SORCS1: variants seen among roughly 807,000 people sequenced by gnomAD.
SORCS1 encodes sortilin related VPS10 domain containing receptor 1.
A neutral mutation model predicts 146.1 loss-of-function variants in SORCS1; 60 were observed. That is an observed-to-expected ratio of 0.41 (90% confidence interval 0.33 to 0.51). The LOEUF is 0.51. Ranked by LOEUF, SORCS1 falls within the 20% of genes least tolerant of loss-of-function variation. SORCS1 has a pLI of 0.21. For synonymous variants in SORCS1, 637 were observed against 584.0 expected, an observed-to-expected ratio of 1.09 and a Z score of -1.31; for missense variants, 1,352 against 1,487.6, an observed-to-expected ratio of 0.91 and a Z score of 1.50.
In SORCS1 at chr10:106,944,871, C is replaced by CTTTTTTTT. The variant is rs1564838013; in HGVS notation, c.626+11641_626+11642insAAAAAAAA. Among the ~76,000 whole-genome samples, 60 of 61,022 alleles carry CTTTTTTTT rather than the reference C, an allele frequency of 9.8e-4. 7 individuals are homozygous for CTTTTTTTT. Among genetic ancestry groups the CTTTTTTTT allele is most frequent in the African/African-American group, 2.5e-3 (57 of 22,388 alleles). 40.0% of individuals were successfully genotyped at this position (61,022 alleles called of 152,430 possible). A position where few individuals can be genotyped will look rare whatever the true frequency, so the allele number is the denominator to read the frequency against. ...ATGGTAGAAAGAAGCAAGAAAGAGC[C>CTTTTTTTT]TTCTTTTTTTTTTTTTTTTTTTTTT... On this transcript the variant is annotated intron_variant, in intron 2 of 25. Transcript: ENST00000263054.
chr10:106,957,165 G>GTTTTTTTT (rs374081494), intron 1 of SORCS1, among the ~76,000 whole-genome samples: 2 of 138,036 alleles, frequency 1.4e-5, no homozygotes, highest in Non-Finnish European at 3.0e-5. Flanking sequence ...GTTTTTTTTT[G>GTTTTTTTT]TTTTTTTTGT....
At chr10:106,953,997 T>C (rs368873349) in intron 2 of SORCS1, among the ~76,000 whole-genome samples, 1 of 152,208 alleles carries the variant, frequency 6.6e-6, no homozygotes, top group East Asian at 1.9e-4. Context: ...TGGGATGTGA[T>C]GCCATTTTTT....
Position 106,673,003 on chromosome 10 carries a change from A to T in SORCS1, c.1941-18T>A, listed in dbSNP as rs1389616482. 2 of 1,591,532 alleles carry T rather than the reference A, an allele frequency of 1.3e-6. No homozygotes were observed. The highest frequency in any genetic ancestry group is 1.7e-6 in the Non-Finnish European group (2 of 1,160,562). On this transcript the variant is annotated intron_variant, in intron 14 of 25. Coordinates refer to ENST00000263054, the MANE Select transcript of SORCS1 (RefSeq NM_052918.5). ...CAAACACTCTACAGAGTTCATGGTG[A>T]TAAAAATAATTACAATGATAACAAT... is the stretch of plus-strand genomic sequence containing the variant.
intron 16 of SORCS1, among the ~76,000 whole-genome samples, chr10:106,670,518 C>T (rs916415863): frequency 2.0e-5 from 3 of 152,112 alleles, no homozygotes; most frequent in South Asian, 2.1e-4. Flanking sequence ...CAGCTAACTA[C>T]GAATCGAAAA....
chr10:107,174,666 T>C, the SORCS1 span, among the ~76,000 whole-genome samples: 177 of 152,284 alleles, frequency 1.2e-3, no homozygotes, highest in African/African-American at 3.2e-3. Context: ...ATTATACTTA[T>C]TAATTTTAAT....
rs543562755 is a variant in SORCS1 at position 106,844,665 on chromosome 10, T to G, written c.627-14992A>C. Among the ~76,000 whole-genome samples, 26 of 150,068 alleles carry G rather than the reference T, an allele frequency of 1.7e-4. No individual in the cohort carries two copies. In the South Asian group the frequency reaches 2.2e-3, roughly 12 times the overall value. On this transcript the variant is annotated intron_variant, in intron 2 of 25. Transcript: ENST00000263054. ...TTACATATGTATACATGTGCCATGC[T>G]GGTGCGCTGCACCCACTAACTCGTC... is the stretch of plus-strand genomic sequence containing the variant.
chr10:107,015,040 C>T (rs1244780454), intron 1 of SORCS1, among the ~76,000 whole-genome samples: 1 of 152,188 alleles, frequency 6.6e-6, no homozygotes, highest in South Asian at 2.1e-4. Flanking sequence ...TCCTCAGACC[C>T]TTGTGAACAC....
intron 3 of SORCS1, among the ~76,000 whole-genome samples, chr10:106,796,658 T>C (rs894905495): frequency 6.6e-6 from 1 of 151,724 alleles, no homozygotes; most frequent in African/African-American, 2.4e-5. Context: ...ACAGGGACAG[T>C]TGGGGGTGGG....
intron 5 of SORCS1, among the ~76,000 whole-genome samples, chr10:106,748,671 TATG>T (rs1857925920): frequency 6.6e-6 from 1 of 152,236 alleles, no homozygotes; most frequent in Non-Finnish European, 1.5e-5. Flanking sequence ...ATTTAGACTT[TATG>T]ATAACATTAC....
At chr10:106,624,728 ATG>A (rs1175971700) in intron 19 of SORCS1, among the ~76,000 whole-genome samples, 2 of 152,242 alleles carry the variant, frequency 1.3e-5, no homozygotes, top group African/African-American at 4.8e-5. Context: ...TGAAATACAT[ATG>A]TGTTTGTATA....
intron 1 of SORCS1, among the ~76,000 whole-genome samples, chr10:106,971,880 TC>T (rs1330647087): frequency 6.6e-6 from 1 of 152,160 alleles, no homozygotes; most frequent in Non-Finnish European, 1.5e-5. Context: ...AGCTATTTCC[TC>T]TGAGACTCTC....
At chr10:106,671,737 C>T (rs910435114) in intron 15 of SORCS1, among the ~76,000 whole-genome samples, 1 of 152,134 alleles carries the variant, frequency 6.6e-6, no homozygotes, top group African/African-American at 2.4e-5. Flanking sequence ...AAGATGTATA[C>T]AGTTGGTCAT....
chr10:106,875,884 G>A (rs1414406834), intron 2 of SORCS1, among the ~76,000 whole-genome samples: 1 of 152,166 alleles, frequency 6.6e-6, no homozygotes, highest in Non-Finnish European at 1.5e-5. Context: ...AGGGAGGCCA[G>A]TTAAGTGACA....
At chr10:107,072,665 C>CA (rs1962538286) in intron 1 of SORCS1, among the ~76,000 whole-genome samples, 1 of 150,812 alleles carries the variant, frequency 6.6e-6, no homozygotes. Flanking sequence ...AGAACGAGAA[C>CA]ACTTGCATTA....
At chr10:107,165,109 C>A (rs980906474), upstream of SORCS1, among the ~76,000 whole-genome samples, 4 of 152,132 alleles carry the variant, frequency 2.6e-5, no homozygotes, top group East Asian at 7.8e-4. This position sits in a 1 kb window ranked among gnomAD's most constrained non-coding sequence, Gnocchi z 4.0. Context: ...CTTTTTTCTC[C>A]GTCTTTCTGG....
chr10:106,999,509 C>G (rs1432501813), intron 1 of SORCS1, among the ~76,000 whole-genome samples: 1 of 152,200 alleles, frequency 6.6e-6, no homozygotes, highest in Admixed American at 6.5e-5. Flanking sequence ...TGCTTAGTCC[C>G]TGGCCTTAAA....
chr10:106,986,036 G>T (rs767108743), intron 1 of SORCS1, among the ~76,000 whole-genome samples: 2 of 152,026 alleles, frequency 1.3e-5, no homozygotes, highest in Admixed American at 6.6e-5. Flanking sequence ...ACAATTAAAA[G>T]TTAAGAATCA....
At chr10:107,173,219 C>T in the SORCS1 span, among the ~76,000 whole-genome samples, 1 of 152,122 alleles carries the variant, frequency 6.6e-6, no homozygotes, top group Non-Finnish European at 1.5e-5. Context: ...TTGTGTCTAG[C>T]AGTGCAGGGG....
chr10:106,770,088 C>T (rs1173024766), intron 4 of SORCS1, among the ~76,000 whole-genome samples: 1 of 152,068 alleles, frequency 6.6e-6, no homozygotes, highest in Non-Finnish European at 1.5e-5. Flanking sequence ...GTAAGACTGT[C>T]TCAAAAAAAG....
Sources: allele counts gnomAD v4.1 joint callset (sites outside exome capture counted in the v4.1 genomes callset), GRCh38; gene constraint gnomAD v4.1.1; non-coding constraint Gnocchi (gnomAD v3.1); transcripts MANE v1.5; gene names NCBI Gene and HGNC (gene_info 2026-07-23, HGNC 2026-07-21).